ZEB1: variants seen among roughly 807,000 people sequenced by gnomAD.
ZEB1 encodes zinc finger E-box binding homeobox 1.
In ZEB1, 21 loss-of-function variants were observed where a neutral mutation model predicts 84.9. The ratio of observed to expected loss-of-function variants is 0.25; its 90% CI spans 0.18 to 0.36. The LOEUF (loss-of-function observed/expected upper bound fraction) is 0.36. ZEB1 is among the 10% of genes least tolerant of loss of function. ZEB1 has a pLI of 1.00. For synonymous variants in ZEB1, 420 were observed against 471.1 expected, an observed-to-expected ratio of 0.89 and a Z score of 1.41; for missense variants, 1,104 against 1,330.2, an observed-to-expected ratio of 0.83 and a Z score of 2.65.
intron 1 of ZEB1, among the ~76,000 whole-genome samples, chr10:31,330,152 A>G (rs901464618): frequency 6.6e-6 from 1 of 152,156 alleles, no homozygotes; most frequent in African/African-American, 2.4e-5. Flanking sequence ...TTAGAAGCTT[A>G]TAGCTTTACC....
intron 1 of ZEB1, chr10:31,363,064 C>G: frequency 6.5e-7 from 1 of 1,533,918 alleles, no homozygotes; most frequent in Non-Finnish European, 8.7e-7. Flanking sequence ...CAGCGGTGGC[C>G]CCGACAGTTT....
At position 31,521,357 on chromosome 10, in the gene ZEB1, A is replaced by C; in HGVS notation, c.2025A>C (p.Thr675=). ...SANANEPQDS[T]VNLQSPLKMT... ...ATGCAAATGAACCCCAGGACAGCAC[A>C]GTAAATCTACAAAGTCCTTTGAAGA... The change falls in exon 7 of 9, where the codon ACA becomes ACC. Residue 675 remains threonine, a synonymous_variant. Transcript: ENST00000424869. The C allele has an allele frequency of 1.2e-6, 2 of 1,614,138 alleles. No individual in the cohort carries two copies. The highest frequency in any genetic ancestry group is 1.7e-6 in the Non-Finnish European group (2 of 1,180,010).
chr10:31,410,573 G>A (rs1002778900), intron 1 of ZEB1, among the ~76,000 whole-genome samples: 5 of 152,174 alleles, frequency 3.3e-5, no homozygotes, highest in Admixed American at 6.5e-5. Flanking sequence ...AGTTTCAGAA[G>A]GAATGGTAGC....
At chr10:31,343,812 G>A (rs948793392) in intron 1 of ZEB1, among the ~76,000 whole-genome samples, 4 of 152,058 alleles carry the variant, frequency 2.6e-5, no homozygotes, top group African/African-American at 9.7e-5. Context: ...ACCCATGAAT[G>A]CTCCAAGTAT....
chr10:31,467,907 A>G (rs1345784936), intron 2 of ZEB1, among the ~76,000 whole-genome samples: 5 of 152,118 alleles, frequency 3.3e-5, no homozygotes, highest in Non-Finnish European at 7.4e-5. Flanking sequence ...CAGTCTGGGC[A>G]CAGGTGGTTT....
intron 1 of ZEB1, among the ~76,000 whole-genome samples, chr10:31,431,510 A>C (rs2057706779): frequency 2.6e-5 from 4 of 152,170 alleles, no homozygotes; most frequent in Admixed American, 2.6e-4. Context: ...AAATCTCAGA[A>C]GCATAAACAA....
At chr10:31,326,570 CAA>C (rs768351439) in intron 1 of ZEB1, among the ~76,000 whole-genome samples, 2 of 152,084 alleles carry the variant, frequency 1.3e-5, no homozygotes, top group Non-Finnish European at 2.9e-5. Context: ...AGCAGACAGT[CAA>C]AGAGATAAGA....
At chr10:31,391,932 A>G (rs1051377039) in intron 1 of ZEB1, among the ~76,000 whole-genome samples, 23 of 152,190 alleles carry the variant, frequency 1.5e-4, no homozygotes, top group African/African-American at 5.5e-4. Context: ...AACCACTGTG[A>G]TCTAGTCTAA....
chr10:31,444,770 T>C (rs1329416095), intron 1 of ZEB1, among the ~76,000 whole-genome samples: 1 of 151,868 alleles, frequency 6.6e-6, no homozygotes, highest in African/African-American at 2.4e-5. Context: ...TCCATTGATC[T>C]ATATCTCTGT....
intron 1 of ZEB1, among the ~76,000 whole-genome samples, chr10:31,393,186 A>C (rs2050095811): frequency 6.6e-6 from 1 of 152,166 alleles, no homozygotes; most frequent in African/African-American, 2.4e-5. Flanking sequence ...TAAAGATTCT[A>C]AAATTTATAG....
chr10:31,484,019 C>T (rs1384807825), intron 2 of ZEB1, among the ~76,000 whole-genome samples: 1 of 151,958 alleles, frequency 6.6e-6, no homozygotes, highest in Admixed American at 6.6e-5. Flanking sequence ...CCATTCCCAG[C>T]TTCTAGAGGG....
chr10:31,409,653 T>G (rs1182230949), intron 1 of ZEB1, among the ~76,000 whole-genome samples: 1 of 152,184 alleles, frequency 6.6e-6, no homozygotes, highest in Non-Finnish European at 1.5e-5. Flanking sequence ...GCATGGAATG[T>G]TTTTCCATTT....
intron 2 of ZEB1, among the ~76,000 whole-genome samples, chr10:31,469,847 A>C (rs1487747108): frequency 1.3e-5 from 2 of 152,228 alleles, no homozygotes; most frequent in Admixed American, 6.5e-5. Flanking sequence ...TGGTTCTCCC[A>C]GTACGCAGCT....
At chr10:31,326,285 T>C (rs1184763271) in intron 1 of ZEB1, among the ~76,000 whole-genome samples, 2 of 152,146 alleles carry the variant, frequency 1.3e-5, no homozygotes, top group African/African-American at 4.8e-5. Context: ...CCTTGAATAC[T>C]TGAAAAGGCT....
At position 31,521,315 on chromosome 10, in the gene ZEB1, T is replaced by C; in HGVS notation, c.1983T>C (p.Asp661=). 2 of 1,614,076 alleles carry C rather than the reference T, an allele frequency of 1.2e-6. No homozygotes were observed. The highest frequency in any genetic ancestry group is 1.7e-6 in the Non-Finnish European group (2 of 1,180,000). The change falls in exon 7 of 9, where the codon GAT becomes GAC. Residue 661 remains aspartate, a synonymous_variant. Coordinates refer to ENST00000424869, the MANE Select transcript of ZEB1 (RefSeq NM_001174096.2). ...TAAATATCCCTGCCAAGAACAATGA[T>C]CAGCCTCAATCTGCAAATGCAAATG... ...GKVNIPAKNN[D]QPQSANANEP...
chr10:31,340,354 C>T (rs952451599), intron 1 of ZEB1, among the ~76,000 whole-genome samples: 3 of 152,092 alleles, frequency 2.0e-5, no homozygotes, highest in African/African-American at 7.2e-5. Context: ...GACTTGAAAT[C>T]ATTTAGAGGG....
intron 1 of ZEB1, chr10:31,361,219 A>C (rs1012947266): frequency 2.2e-5 from 35 of 1,610,840 alleles, no homozygotes; most frequent in Middle Eastern, 4.5e-4. Context: ...TTCAGGACGC[A>C]GTCTTGCTCT....
chr10:31,389,071 T>C (rs2049151772), intron 1 of ZEB1, among the ~76,000 whole-genome samples: 1 of 152,170 alleles, frequency 6.6e-6, no homozygotes, highest in Non-Finnish European at 1.5e-5. Context: ...ACTCGTGTTC[T>C]AATTTCAGAT....
intron 1 of ZEB1, among the ~76,000 whole-genome samples, chr10:31,366,330 A>G (rs2044480041): frequency 6.6e-6 from 1 of 152,108 alleles, no homozygotes; most frequent in African/African-American, 2.4e-5. Context: ...GTTTTATTTA[A>G]TTTTGTAAAG....
Sources: allele counts gnomAD v4.1 joint callset (sites outside exome capture counted in the v4.1 genomes callset), GRCh38; gene constraint gnomAD v4.1.1; transcripts MANE v1.5; gene names NCBI Gene and HGNC (gene_info 2026-07-23, HGNC 2026-07-21).